The following TTLL9 variants were observed in gnomAD, a reference collection of about 807,000 sequenced individuals.
TTLL9 encodes the protein probable tubulin polyglutamylase TTLL9.
Under a neutral mutation model 65.6 loss-of-function variants are expected in TTLL9, and 47 were observed. The ratio of observed to expected loss-of-function variants is 0.72; its 90% CI spans 0.57 to 0.91. The LOEUF is 0.91. Among genes scored for constraint, TTLL9 ranks in the 40% least tolerant of loss-of-function variants. The pLI, the probability that TTLL9 is intolerant of heterozygous loss-of-function variation, is 0.00. For synonymous variants in TTLL9, 179 were observed against 204.8 expected (o/e 0.87, Z 1.07); for missense variants, 537 against 568.8 (o/e 0.94, Z 0.57).
chr20:31,898,373 AG>A (rs1038594426), intron 3 of TTLL9, 99 bp from the exon 4 acceptor site: 1 of 926,754 alleles, frequency 1.1e-6, no homozygotes, highest in African/African-American at 1.6e-5. Flanking sequence ...GGAACTTTCC[AG>A]GTATGGAACT....
intron 2 of TTLL9, among the ~76,000 whole-genome samples, chr20:31,877,537 A>G (rs1318647106): frequency 3.3e-5 from 5 of 152,192 alleles, no homozygotes; most frequent in African/African-American, 1.2e-4. Context: ...TTCCCACCCC[A>G]AGATAATAAA....
At chr20:31,907,613 C>T (rs1428443265) in intron 4 of TTLL9, among the ~76,000 whole-genome samples, 4 of 151,464 alleles carry the variant, frequency 2.6e-5, no homozygotes, top group Middle Eastern at 3.4e-3. Context: ...CCCAGCTACT[C>T]GGGAGGCTGA....
chr20:31,925,884 G>A, intron 9 of TTLL9, 165 bp from the exon 10 acceptor site: 1 of 1,551,718 alleles, frequency 6.4e-7, no homozygotes, highest in Admixed American at 2.0e-5. Context: ...ACATCCCGCT[G>A]CGGGCCTGGC....
chr20:31,881,023 T>A (rs918964269), intron 2 of TTLL9, among the ~76,000 whole-genome samples: 29 of 151,944 alleles, frequency 1.9e-4, no homozygotes, highest in African/African-American at 6.5e-4. Context: ...AATTCTTTTT[T>A]AGTTTGTGTA....
intron 3 of TTLL9, among the ~76,000 whole-genome samples, chr20:31,894,425 C>T (rs185091393): frequency 3.9e-5 from 6 of 152,186 alleles, no homozygotes; most frequent in African/African-American, 1.4e-4. Flanking sequence ...CTCATCTATT[C>T]ACACATTGTA....
intron 3 of TTLL9, among the ~76,000 whole-genome samples, chr20:31,892,202 C>T (rs571114489): frequency 5.1e-4 from 65 of 127,878 alleles, no homozygotes; most frequent in South Asian, 1.0e-3. Context: ...TTTTTTGAGA[C>T]AGGGTCTCAC....
At position 31,898,523 on chromosome 20, in the gene TTLL9, T is replaced by C. The variant is rs1404542391; in HGVS notation, c.164T>C (p.Met55Thr). The C allele has an allele frequency of 4.3e-6, 7 of 1,614,214 alleles. No individual in the cohort carries two copies. The highest frequency in any genetic ancestry group is 5.9e-6 in the Non-Finnish European group (7 of 1,180,038). ...AAGACCACCCTCATGAACACACTCA[T>C]GGACGTCCTTCGCCACAGGCCAGGA... is the stretch of plus-strand genomic sequence containing the variant. The part of the protein sequence containing the change: ...RFKTTLMNTL[M>T]DVLRHRPGWV... The change falls in exon 4 of 15, where the codon ATG (methionine) becomes ACG (threonine). Residue 55 changes from methionine to threonine, a missense_variant. By Grantham distance (81) the Met-to-Thr change is moderately conservative (BLOSUM62 -1). Coordinates refer to ENST00000535842, the MANE Select transcript of TTLL9 (RefSeq NM_001008409.5).
intron 14 of TTLL9, among the ~76,000 whole-genome samples, chr20:31,941,787 G>T (rs766596987): frequency 6.6e-6 from 1 of 152,150 alleles, no homozygotes; most frequent in East Asian, 1.9e-4. Context: ...TATTGACCAG[G>T]CTGGGAGAGC....
At chr20:31,894,357 C>A (rs937285739) in intron 3 of TTLL9, among the ~76,000 whole-genome samples, 6 of 152,006 alleles carry the variant, frequency 3.9e-5, no homozygotes, top group African/African-American at 1.5e-4. Flanking sequence ...CTCAGCCTCC[C>A]AAAGTATTGG....
At chr20:31,929,607 T>C (rs2123601832) in intron 10 of TTLL9, among the ~76,000 whole-genome samples, 1 of 152,308 alleles carries the variant, frequency 6.6e-6, no homozygotes, top group Admixed American at 6.5e-5. Flanking sequence ...TTTTTTTCAT[T>C]AATGAAAATA....
intron 3 of TTLL9, among the ~76,000 whole-genome samples, chr20:31,890,205 T>TTCTTTCTTTC (rs1568754246): frequency 8.5e-6 from 1 of 117,688 alleles, no homozygotes; most frequent in African/African-American, 3.3e-5. Flanking sequence ...TTCTTTCTCT[T>TTCTTTCTTTC]TCTTTCATCA....
In TTLL9 at chr20:31,934,960, T is replaced by A. The variant is rs182470941; in HGVS notation, c.1004+72T>A. ...GGCACCCAGACTGCCCAGGTTTGAATCCCAGCTCTGCCAATTCCTAGTTGT... is the reference window on the plus strand; with the variant it reads ...GGCACCCAGACTGCCCAGGTTTGAAACCCAGCTCTGCCAATTCCTAGTTGT... On this transcript the variant is annotated intron_variant, in intron 12 of 14. Coordinates refer to ENST00000535842, the MANE Select transcript of TTLL9 (RefSeq NM_001008409.5). 5.0e-5 allele frequency: 71 copies of A among 1,415,018 alleles called. No homozygotes were observed. The East Asian group carries it at 1.2e-3, about 24-fold the overall frequency. The allele number at this position is 1,415,018 out of a possible 1,614,324, so 87.7% of individuals were successfully genotyped here.
intron 6 of TTLL9, among the ~76,000 whole-genome samples, chr20:31,910,860 G>T (rs2063635837): frequency 6.6e-6 from 1 of 152,130 alleles, no homozygotes; most frequent in South Asian, 2.1e-4. Flanking sequence ...GGTATCAGGA[G>T]GCAGCCTATT....
chr20:31,924,576 T>C (rs1205704635), intron 8 of TTLL9, among the ~76,000 whole-genome samples: 1 of 149,864 alleles, frequency 6.7e-6, no homozygotes, highest in African/African-American at 2.4e-5. Flanking sequence ...CTTTATACCT[T>C]GTGCGTTTTT....
In TTLL9 at chr20:31,890,063, TCTTTCTTG is replaced by T. The variant is rs1260982466; in HGVS notation, c.113+2848_113+2855del. ...CCTTCCTTCTTTCTTTCTTTCTCTT[TCTTTCTTG>T]CTTTCTTGCTTTCTTGCTTTCTTTC... On this transcript the variant is annotated intron_variant, in intron 3 of 14. Coordinates refer to ENST00000535842, the MANE Select transcript of TTLL9 (RefSeq NM_001008409.5). 1.5e-3 allele frequency among the ~76,000 whole-genome samples: 162 copies of T among 108,842 alleles called. 2 individuals carry two copies. The East Asian group carries it at 0.019, about 13-fold the overall frequency. 71.4% of individuals were successfully genotyped at this position (108,842 alleles called of 152,430 possible).
intron 3 of TTLL9, among the ~76,000 whole-genome samples, chr20:31,893,291 C>CTTTT (rs34875132): frequency 6.9e-5 from 9 of 130,104 alleles, no homozygotes; most frequent in African/African-American, 2.5e-4. Context: ...TGTTCTTTTT[C>CTTTT]TTTTTTTTTT....
In TTLL9 at chr20:31,934,850, G is replaced by A. The variant is rs1274757566; in HGVS notation, c.966G>A (p.Leu322=). 1.2e-6 allele frequency: 2 copies of A among 1,613,892 alleles called. No individual in the cohort carries two copies. Among genetic ancestry groups the A allele is most frequent in the African/African-American group, 1.3e-5 (1 of 74,932 alleles). Residue 322 remains leucine, a synonymous_variant, in exon 12 of 15, where the codon CTG becomes CTA. Coordinates refer to ENST00000535842, the MANE Select transcript of TTLL9 (RefSeq NM_001008409.5). ...VIISDKHCFE[L]YGYDILIDQD... is the part of the protein sequence containing the mutation. ...TCAGTGACAAGCACTGCTTCGAGCT[G>A]TACGGCTATGACATCCTCATCGACC...
intron 3 of TTLL9, 62 bp from the exon 4 acceptor site, chr20:31,898,411 T>C: frequency 6.8e-7 from 1 of 1,466,362 alleles, no homozygotes; most frequent in Non-Finnish European, 9.5e-7. Context: ...TTTTTTCCTC[T>C]CCTTGCGCCA....
rs375096914 is a variant in TTLL9, at chr20:31,934,706, G to A, written c.822G>A (p.Thr274=). 52 of 1,611,082 alleles carry A rather than the reference G, an allele frequency of 3.2e-5. No individual in the cohort carries two copies. Among genetic ancestry groups the A allele is most frequent in the South Asian group, 3.2e-4 (29 of 90,882 alleles). The change falls in exon 12 of 15, where the codon ACG becomes ACA. Residue 274 remains threonine (T), a synonymous_variant. Transcript: ENST00000535842. ...DYHPKKGCKW[T]LQRFRQYLAS... ...CCGGGGCCCAGGGCTGCAAGTGGAC[G>A]CTGCAGCGCTTCCGGCAGTACCTGG... is the stretch of plus-strand genomic sequence containing the variant.
Sources: gnomAD v4.1 joint callset for allele counts (sites outside exome capture counted in the v4.1 genomes callset) on GRCh38, gnomAD v4.1.1 for gene constraint, MANE v1.5 for transcripts, NCBI Gene and HGNC (gene_info 2026-07-23, HGNC 2026-07-21) for gene names.